Variants in SLC35F1 observed in about 807,000 individuals in gnomAD.
The protein encoded by SLC35F1 is solute carrier family 35 member F1.
Under a neutral mutation model 48.7 loss-of-function variants are expected in SLC35F1, and 14 were observed. The observed-to-expected ratio is 0.29, with a 90% CI of 0.19 to 0.45. The LOEUF (loss-of-function observed/expected upper bound fraction) is 0.45, where lower values mean the gene tolerates loss of function less well. Among genes scored for constraint, SLC35F1 ranks in the 20% least tolerant of loss-of-function variants. SLC35F1 has a pLI of 1.00. For synonymous variants in SLC35F1, 190 were observed against 202.2 expected, an observed-to-expected ratio of 0.94 and a Z score of 0.51; for missense variants, 404 against 500.0, an observed-to-expected ratio of 0.81 and a Z score of 1.83.
intron 1 of SLC35F1, among the ~76,000 whole-genome samples, chr6:117,933,043 A>G (rs1162992112): frequency 1.3e-5 from 2 of 152,214 alleles, no homozygotes; most frequent in African/African-American, 4.8e-5. Flanking sequence ...CTTCATAACT[A>G]GAAGCATAAA....
intron 3 of SLC35F1, among the ~76,000 whole-genome samples, chr6:118,246,537 T>G (rs1775509658): frequency 6.6e-6 from 1 of 152,128 alleles, no homozygotes; most frequent in Admixed American, 6.5e-5. Context: ...AGGTGACACC[T>G]GAACAGGATC....
At chr6:118,312,142 T>G (rs1776379210) in intron 7 of SLC35F1, among the ~76,000 whole-genome samples, 1 of 152,226 alleles carries the variant, frequency 6.6e-6, no homozygotes, top group Non-Finnish European at 1.5e-5. Context: ...GCGCTCATTC[T>G]TCATCTCTCT....
At chr6:118,063,146 TTTATC>T (rs1772565509) in intron 1 of SLC35F1, among the ~76,000 whole-genome samples, 1 of 152,154 alleles carries the variant, frequency 6.6e-6, no homozygotes, top group African/African-American at 2.4e-5. Context: ...GATTTACTGG[TTTATC>T]TTATACTTTC....
intron 1 of SLC35F1, among the ~76,000 whole-genome samples, chr6:117,953,487 T>C (rs796974272): frequency 1.3e-5 from 2 of 152,174 alleles, no homozygotes; most frequent in Non-Finnish European, 2.9e-5. Context: ...CACATATATC[T>C]AGTGGTAGAC....
chr6:117,936,220 A>G (rs1323444015), intron 1 of SLC35F1, among the ~76,000 whole-genome samples: 1 of 152,220 alleles, frequency 6.6e-6, no homozygotes, highest in Non-Finnish European at 1.5e-5. Context: ...TCTTCTGCAT[A>G]TAGGGACTTT....
intron 2 of SLC35F1, among the ~76,000 whole-genome samples, chr6:118,203,175 C>T (rs893064022): frequency 6.6e-6 from 1 of 152,208 alleles, no homozygotes; most frequent in South Asian, 2.1e-4. Flanking sequence ...TAAGCTAGGC[C>T]ATGTCTCTGT....
At chr6:118,226,179 A>G (rs1469354647) in intron 2 of SLC35F1, among the ~76,000 whole-genome samples, 5 of 152,232 alleles carry the variant, frequency 3.3e-5, no homozygotes, top group African/African-American at 1.2e-4. Context: ...CAACCCAGTT[A>G]TAATGACTTT....
chr6:117,935,378 G>A (rs1443587089), intron 1 of SLC35F1, among the ~76,000 whole-genome samples: 1 of 152,064 alleles, frequency 6.6e-6, no homozygotes, highest in Non-Finnish European at 1.5e-5. Context: ...TACTCCTAGG[G>A]GAAATACAGG....
At chr6:118,011,593 A>T (rs1289587314) in intron 1 of SLC35F1, among the ~76,000 whole-genome samples, 4 of 152,180 alleles carry the variant, frequency 2.6e-5, no homozygotes, top group Non-Finnish European at 5.9e-5. Context: ...TGCGGAACCA[A>T]GATTTCTCAC....
chr6:117,983,781 T>C (rs547573465), intron 1 of SLC35F1, among the ~76,000 whole-genome samples: 137 of 152,326 alleles, frequency 9.0e-4, no homozygotes, highest in Middle Eastern at 3.4e-3. Flanking sequence ...GGTCAGTCTT[T>C]CTCTTTATGT....
chr6:118,182,568 A>AGGAAGG (rs1582716703), intron 2 of SLC35F1, among the ~76,000 whole-genome samples: 2 of 82,682 alleles, frequency 2.4e-5, no homozygotes, highest in African/African-American at 3.6e-5. Context: ...AGGAAGAAAA[A>AGGAAGG]AAGAAAGGCA....
At chr6:118,173,563 C>T (rs1164968620) in intron 2 of SLC35F1, among the ~76,000 whole-genome samples, 1 of 152,110 alleles carries the variant, frequency 6.6e-6, no homozygotes, top group Non-Finnish European at 1.5e-5. Context: ...ATATACCACA[C>T]ACTATACGGT....
At chr6:117,936,185 GC>G (rs1001209605) in intron 1 of SLC35F1, among the ~76,000 whole-genome samples, 53 of 152,290 alleles carry the variant, frequency 3.5e-4, no homozygotes, top group African/African-American at 1.2e-3. Context: ...GGGATGTGCT[GC>G]CAAGTGTGGT....
intron 1 of SLC35F1, among the ~76,000 whole-genome samples, chr6:118,025,912 T>TCTGTGATTGCACCAGGTAA (rs1420675124): frequency 2.6e-5 from 4 of 152,188 alleles, no homozygotes; most frequent in Non-Finnish European, 5.9e-5. Flanking sequence ...GGGTCAATAT[T>TCTGTGATTGCACCAGGTAA]CTGTGATTGC....
At chr6:117,918,449 A>G (rs1262869410) in intron 1 of SLC35F1, among the ~76,000 whole-genome samples, 1 of 152,060 alleles carries the variant, frequency 6.6e-6, no homozygotes, top group Non-Finnish European at 1.5e-5. Context: ...AATTTGGTAG[A>G]TTTCATGATT....
chr6:118,232,661 G>T (rs562535984), intron 2 of SLC35F1, among the ~76,000 whole-genome samples: 1 of 151,558 alleles, frequency 6.6e-6, no homozygotes, highest in South Asian at 2.1e-4. Context: ...TGTATGCTGA[G>T]ACTTCATTTG....
chr6:117,998,518 C>G (rs201937549), intron 1 of SLC35F1, among the ~76,000 whole-genome samples: 1 of 152,056 alleles, frequency 6.6e-6, no homozygotes, highest in African/African-American at 2.4e-5. Flanking sequence ...TGACCACATA[C>G]TTGGAAGTAA....
intron 1 of SLC35F1, among the ~76,000 whole-genome samples, chr6:117,972,228 C>T (rs1776651343): frequency 6.6e-6 from 1 of 152,196 alleles, no homozygotes; most frequent in Non-Finnish European, 1.5e-5. Context: ...CCAACAAACT[C>T]CACATCTCCT....
intron 1 of SLC35F1, among the ~76,000 whole-genome samples, chr6:118,079,232 A>T (rs900681814): frequency 2.6e-5 from 4 of 151,938 alleles, no homozygotes; most frequent in African/African-American, 9.7e-5. Context: ...GGTAGTCTCT[A>T]CTCTACTTCT....
Sources: allele counts gnomAD v4.1 joint callset (sites outside exome capture counted in the v4.1 genomes callset), GRCh38; gene constraint gnomAD v4.1.1; transcripts MANE v1.5; gene names NCBI Gene and HGNC (gene_info 2026-07-23, HGNC 2026-07-21).